Variants in MTPAP observed in about 807,000 individuals in gnomAD.
The protein encoded by MTPAP is poly(A) RNA polymerase, mitochondrial.
Under a neutral mutation model 48.7 loss-of-function variants are expected in MTPAP, and 23 were observed. The ratio of observed to expected loss-of-function variants is 0.47; its 90% CI spans 0.34 to 0.67. The LOEUF (loss-of-function observed/expected upper bound fraction) is 0.67. Among genes scored for constraint, MTPAP ranks in the 30% least tolerant of loss-of-function variants. MTPAP has a pLI of 0.01. For missense variants in MTPAP, 614 were observed against 694.3 expected (o/e 0.88, Z 1.30); for synonymous variants, 257 against 254.1 (o/e 1.01, Z -0.11).
Position 30,322,466 on chromosome 10 carries a change from T to C in MTPAP, c.1144A>G (p.Met382Val). 8.7e-6 allele frequency: 14 copies of C among 1,613,862 alleles called. No individual in the cohort carries two copies. The highest frequency in any genetic ancestry group is 1.0e-5 in the Non-Finnish European group (12 of 1,179,808). Reference sequence around the variant, plus strand: ...CTCTGGAGAAAAAAGATGACCATCATTGTAAGGGAGAAATTTGTAATCCAT... The same window carrying C: ...CTCTGGAGAAAAAAGATGACCATCACTGTAAGGGAGAAATTTGTAATCCAT... ...GAWITNFSLT[M>V]MVIFFLQRRS... is the part of the protein sequence containing the mutation. The change falls in exon 6 of 9, where the codon ATG (methionine) becomes GTG (valine). Residue 382 changes from methionine to valine, a missense_variant. Physicochemically the swap from Met to Val is conservative, Grantham distance 21. This residue lies in a region of MTPAP where 261 missense variants were observed against 355.4 expected (regional missense o/e 0.73). Coordinates refer to ENST00000263063, the MANE Select transcript of MTPAP (RefSeq NM_018109.4).
chr10:30,326,129 T>G (rs951382187), intron 5 of MTPAP, among the ~76,000 whole-genome samples: 1 of 152,178 alleles, frequency 6.6e-6, no homozygotes, highest in Non-Finnish European at 1.5e-5. Context: ...ATAGGCATCT[T>G]TCACACTACA....
At chr10:30,316,443 A>AT (rs1318262450) in intron 6 of MTPAP, among the ~76,000 whole-genome samples, 1 of 151,322 alleles carries the variant, frequency 6.6e-6, no homozygotes, top group Non-Finnish European at 1.5e-5. Context: ...GGGTTTTACC[A>AT]TGTTGGCCAG....
chr10:30,324,761 G>A (rs1834563040), intron 5 of MTPAP, among the ~76,000 whole-genome samples: 1 of 152,094 alleles, frequency 6.6e-6, no homozygotes, highest in African/African-American at 2.4e-5. Context: ...CCAGCACTTG[G>A]GAGGCCGAGG....
chr10:30,313,174 A>C lies in MTPAP; in HGVS notation c.*435T>G, dbSNP rs1840617232. On this transcript the variant is annotated 3_prime_UTR_variant, in exon 9 of 9. Transcript: ENST00000263063. ...ATATCAACAATGGTTTCATCCTAAA[A>C]CTGAGTTTTAGCATTTGTTTAGTAT... The C allele has an allele frequency of 5.3e-6, 1 of 189,220 alleles. No homozygotes were observed. Among genetic ancestry groups the C allele is most frequent in the Admixed American group, 5.4e-5 (1 of 18,616 alleles). 11.7% of individuals were successfully genotyped at this position (189,220 alleles called of 1,614,324 possible). A position where few individuals can be genotyped will look rare whatever the true frequency, so the allele number is the denominator to read the frequency against.
intron 4 of MTPAP, among the ~76,000 whole-genome samples, chr10:30,329,116 T>C (rs1000922487): frequency 6.6e-6 from 1 of 151,812 alleles, no homozygotes; most frequent in Non-Finnish European, 1.5e-5. Context: ...GGTATGGTGG[T>C]GCAAGCCTGT....
At chr10:30,319,064 CTGGGAG>C (rs71771549) in intron 6 of MTPAP, among the ~76,000 whole-genome samples, 11,976 of 140,218 alleles carry the variant, frequency 0.085, 1,565 homozygotes, top group African/African-American at 0.29. Flanking sequence ...AGCGGGGTGG[CTGGGAG>C]GGGGAGGCTG....
rs181786678 is a variant in MTPAP at position 30,316,753 on chromosome 10, G to C, written c.1220-543C>G. ...AAAAATACAAAAATTAGCCAGGCAT[G>C]GTGGCTTGCTCCTGTAATCCTAGCT... On this transcript the variant is annotated intron_variant, in intron 6 of 8. Coordinates refer to ENST00000263063, the MANE Select transcript of MTPAP (RefSeq NM_018109.4). Among the ~76,000 whole-genome samples, 95 of 152,040 alleles carry C rather than the reference G, an allele frequency of 6.2e-4. No homozygotes were observed. In the East Asian group the frequency reaches 0.012, roughly 20 times the overall value.
chr10:30,349,101 G>A lies in MTPAP; in HGVS notation c.157+18C>T, dbSNP rs965712238. 25 of 1,613,446 alleles carry A rather than the reference G, an allele frequency of 1.5e-5. No individual in the cohort carries two copies. The highest frequency in any genetic ancestry group is 2.1e-5 in the Non-Finnish European group (25 of 1,179,772). The stretch of plus-strand genomic sequence containing the variant: ...GCCCGCTGTGGGACGGAACTACAGG[G>A]CAAACCGGCGCCATCACCTGTCTCC... On this transcript the variant is annotated intron_variant, in intron 1 of 8. Transcript: ENST00000263063.
intron 4 of MTPAP, among the ~76,000 whole-genome samples, chr10:30,331,308 A>G (rs1293569057): frequency 2.0e-5 from 3 of 152,226 alleles, no homozygotes; most frequent in Admixed American, 1.3e-4. Flanking sequence ...GAAGTTAAGC[A>G]CACTGTCCAC....
At chr10:30,313,995 A>G (rs1840632824) in intron 8 of MTPAP, 24 bp from the exon 9 acceptor site, 1 of 1,609,084 alleles carries the variant, frequency 6.2e-7, no homozygotes, top group Non-Finnish European at 8.5e-7. Flanking sequence ...CACAGAAGAA[A>G]AAATGAGTAA....
At chr10:30,337,527 G>A (rs573970863) in intron 3 of MTPAP, among the ~76,000 whole-genome samples, 2 of 152,196 alleles carry the variant, frequency 1.3e-5, no homozygotes, top group South Asian at 2.1e-4. Flanking sequence ...ATGAGGCAAG[G>A]AGTTTGAGAT....
At chr10:30,325,792 T>G (rs992250124) in intron 5 of MTPAP, among the ~76,000 whole-genome samples, 1 of 135,566 alleles carries the variant, frequency 7.4e-6, no homozygotes, top group Non-Finnish European at 1.5e-5. Context: ...AAATTTTCCC[T>G]GTTGTGAAAC....
At chr10:30,347,921 T>C (rs190256949) in intron 1 of MTPAP, among the ~76,000 whole-genome samples, 2 of 151,338 alleles carry the variant, frequency 1.3e-5, no homozygotes, top group African/African-American at 4.9e-5. Context: ...AGTGGGTTTT[T>C]TAATTTTTGC....
intron 4 of MTPAP, among the ~76,000 whole-genome samples, chr10:30,327,904 G>A (rs1834618428): frequency 6.6e-6 from 1 of 151,270 alleles, no homozygotes; most frequent in African/African-American, 2.4e-5. Flanking sequence ...AATGTAAAAG[G>A]TGCATCAGTA....
Position 30,349,220 on chromosome 10 carries a change from C to A in MTPAP, c.56G>T (p.Arg19Ile), listed in dbSNP as rs1209297710. The change falls in exon 1 of 9, where the codon AGA (arginine) becomes ATA (isoleucine). Residue 19 changes from arginine (R) to isoleucine (I), a missense_variant. Physicochemically the swap from Arg to Ile is moderately conservative, Grantham distance 97. Transcript: ENST00000263063. The part of the protein sequence containing the change: ...LTRLNLCARR[R>I]TRVQRPIVRL... Reference sequence around the variant, plus strand: ...GACGATAGGCCGCTGGACTCGAGTTCTTCTCCGGGCACACAGGTTCAAACG... The same window carrying A: ...GACGATAGGCCGCTGGACTCGAGTTATTCTCCGGGCACACAGGTTCAAACG... The A allele has an allele frequency of 6.2e-7, 1 of 1,600,016 alleles. No individual in the cohort carries two copies.
At position 30,313,787 on chromosome 10, in the gene MTPAP, G is replaced by A; in HGVS notation, c.1571C>T (p.Pro524Leu). 1 of 1,614,092 alleles carries A rather than the reference G, an allele frequency of 6.2e-7. No homozygotes were observed. The highest frequency in any genetic ancestry group is 8.5e-7 in the Non-Finnish European group (1 of 1,179,988). ...TAGCAATAGGGATACCAGCCCCCAG[G>A]GCCGATTACTTGATATGGAAGGTCG... ...TDRPSISSNR[P>L]WGLVSLLLPS... is the part of the protein sequence containing the mutation. The change falls in exon 9 of 9, where the codon CCC (proline) becomes CTC (leucine). Residue 524 changes from proline (P) to leucine (L), a missense_variant. Transcript: ENST00000263063.
intron 4 of MTPAP, among the ~76,000 whole-genome samples, chr10:30,328,317 G>A (rs558355074): frequency 3.5e-4 from 54 of 152,308 alleles, no homozygotes; most frequent in Middle Eastern, 6.8e-3. Flanking sequence ...CAGAACTAAC[G>A]CGTATGAGAA....
intron 4 of MTPAP, among the ~76,000 whole-genome samples, chr10:30,332,876 C>A (rs1309300807): frequency 6.6e-6 from 1 of 152,016 alleles, no homozygotes; most frequent in Non-Finnish European, 1.5e-5. Context: ...AATCCCAGCA[C>A]TTTGGGAGGC....
chr10:30,344,306 C>T (rs1834845807), intron 1 of MTPAP, among the ~76,000 whole-genome samples: 1 of 152,152 alleles, frequency 6.6e-6, no homozygotes, highest in South Asian at 2.1e-4. Flanking sequence ...TGTCTACCTT[C>T]TCATTTTCTG....
Sources: allele counts gnomAD v4.1 joint callset (sites outside exome capture counted in the v4.1 genomes callset), GRCh38; gene constraint gnomAD v4.1.1; regional missense constraint gnomAD v4.1.1; transcripts MANE v1.5; gene names NCBI Gene and HGNC (gene_info 2026-07-23, HGNC 2026-07-21).